The following IPMK variants were observed in gnomAD, a reference collection of about 807,000 sequenced individuals.
IPMK encodes inositol polyphosphate multikinase.
A neutral mutation model predicts 45.8 loss-of-function variants in IPMK; 17 were observed. The observed-to-expected ratio is 0.37, with a 90% CI of 0.25 to 0.56. IPMK has a LOEUF of 0.56. Among genes scored for constraint, IPMK ranks in the 20% least tolerant of loss-of-function variants. The probability of loss-of-function intolerance (pLI) is 0.79; values close to 1 mark genes in which losing one functional copy is unlikely to be tolerated. For synonymous variants in IPMK, 180 were observed against 184.3 expected, an observed-to-expected ratio of 0.98 and a Z score of 0.19; for missense variants, 399 against 498.0, an observed-to-expected ratio of 0.80 and a Z score of 1.89.
At chr10:58,235,316 A>T (rs902646049) in intron 2 of IPMK, among the ~76,000 whole-genome samples, 1 of 152,168 alleles carries the variant, frequency 6.6e-6, no homozygotes, top group African/African-American at 2.4e-5. Flanking sequence ...CCATTACTGG[A>T]TATATACCCA....
Position 58,196,180 on chromosome 10 carries a change from T to G in IPMK, c.1147A>C (p.Met383Leu), listed in dbSNP as rs747797228. The G allele has an allele frequency of 6.2e-7, 1 of 1,614,116 alleles. No individual in the cohort carries two copies. Among genetic ancestry groups the G allele is most frequent in the South Asian group, 1.1e-5 (1 of 91,086 alleles). Residue 383 changes from methionine (M) to leucine (L), a missense_variant, in exon 6 of 6, where the codon ATG becomes CTG. Physicochemically the swap from Met to Leu is conservative, Grantham distance 15. Transcript: ENST00000373935. ...CQEIAEVEVR[M>L]IDFAHVFPSN... is the part of the protein sequence containing the mutation. ...GGGAACACATGAGCAAAATCTATCA[T>G]TCGCACTTCTACTTCAGCAATCTCT...
At position 58,264,367 on chromosome 10, in the gene IPMK, G is replaced by A. The variant is rs551719731; in HGVS notation, c.190+3055C>T. Among the ~76,000 whole-genome samples the A allele has an allele frequency of 7.2e-5, 11 of 152,250 alleles. No homozygotes were observed. The South Asian group carries it at 2.3e-3, about 32-fold the overall frequency. ...ATATCTAATAAAAAGAGACTACTAA[G>A]CCAAGATAATTGTAGGTCTTTCTCC... On this transcript the variant is annotated intron_variant, in intron 1 of 5. Coordinates refer to ENST00000373935, the MANE Select transcript of IPMK (RefSeq NM_152230.5).
At chr10:58,220,529 C>G (rs1214437645) in intron 3 of IPMK, among the ~76,000 whole-genome samples, 1 of 152,158 alleles carries the variant, frequency 6.6e-6, no homozygotes, top group Admixed American at 6.5e-5. Context: ...GAGCACTTCT[C>G]AAAACCTCAA....
intron 2 of IPMK, among the ~76,000 whole-genome samples, chr10:58,232,331 A>C (rs1386475378): frequency 1.3e-5 from 2 of 152,228 alleles, no homozygotes; most frequent in Non-Finnish European, 2.9e-5. Context: ...CAACAAGCAG[A>C]CCTAATAGAC....
intron 1 of IPMK, among the ~76,000 whole-genome samples, chr10:58,258,530 G>A (rs981305528): frequency 1.3e-5 from 2 of 151,994 alleles, no homozygotes; most frequent in African/African-American, 4.8e-5. Flanking sequence ...TATTCACATA[G>A]GGAATATTCT....
intron 2 of IPMK, among the ~76,000 whole-genome samples, chr10:58,229,097 C>G (rs144849710): frequency 6.6e-6 from 1 of 152,092 alleles, no homozygotes; most frequent in Non-Finnish European, 1.5e-5. Context: ...CTTCTCTCTC[C>G]CCCAACCACT....
In IPMK at chr10:58,196,257, T is replaced by C. The variant is rs1322624255; in HGVS notation, c.1070A>G (p.Asn357Ser). The change falls in exon 6 of 6, where the codon AAT becomes AGT. Residue 357 changes from asparagine to serine, a missense_variant. Physicochemically the swap from Asn to Ser is conservative, Grantham distance 46. Around this residue, in one of 2 missense-constraint regions of IPMK, gnomAD observed 288 missense variants for 398.0 expected, o/e 0.72. Transcript: ENST00000373935. ...KSMSQEHLNG[N>S]VLSQLEKVFY... ...AACTTTTTCCAGTTGGGAAAGTACA[T>C]TTCCATTTAAATGTTCCTGTGACAT... The C allele has an allele frequency of 2.5e-6, 4 of 1,614,170 alleles. No individual in the cohort carries two copies. Among genetic ancestry groups the C allele is most frequent in the Admixed American group, 1.7e-5 (1 of 60,026 alleles).
chr10:58,231,141 A>C (rs1476036309), intron 2 of IPMK, among the ~76,000 whole-genome samples: 1 of 152,234 alleles, frequency 6.6e-6, no homozygotes, highest in Non-Finnish European at 1.5e-5. Flanking sequence ...AAGAGTAAAA[A>C]GAAATGAACA....
chr10:58,260,372 T>C (rs1839045398), intron 1 of IPMK, among the ~76,000 whole-genome samples: 1 of 152,228 alleles, frequency 6.6e-6, no homozygotes, highest in East Asian at 1.9e-4. Context: ...AATGATATTA[T>C]TGGAATAATG....
chr10:58,209,531 G>A (rs1002152721), intron 4 of IPMK, among the ~76,000 whole-genome samples: 2 of 152,190 alleles, frequency 1.3e-5, no homozygotes, highest in African/African-American at 4.8e-5. Flanking sequence ...TCTGGGTCTA[G>A]CTACTCAGCA....
At chr10:58,213,655 C>T (rs2132151156) in intron 4 of IPMK, among the ~76,000 whole-genome samples, 1 of 149,816 alleles carries the variant, frequency 6.7e-6, no homozygotes. Context: ...CACTGCACTT[C>T]AGCCTGGGCG....
intron 3 of IPMK, among the ~76,000 whole-genome samples, chr10:58,219,475 C>A (rs906653395): frequency 3.9e-5 from 6 of 152,186 alleles, no homozygotes; most frequent in Admixed American, 3.9e-4. Context: ...TTAGCAAATT[C>A]TTTCCCTAGA....
chr10:58,233,219 CA>C (rs1238627235), intron 2 of IPMK, among the ~76,000 whole-genome samples: 2 of 152,148 alleles, frequency 1.3e-5, no homozygotes, highest in Admixed American at 6.5e-5. Context: ...CAGATGGATT[CA>C]CAGCCGAATT....
At position 58,259,463 on chromosome 10, in the gene IPMK, T is replaced by C. The variant is rs920942857; in HGVS notation, c.190+7959A>G. On this transcript the variant is annotated intron_variant, in intron 1 of 5. Transcript: ENST00000373935. ...ATTTGAAAAAAATCCACCTTAATAATGAATGAATGAATGAATGAATGAATG... is the reference window on the plus strand; with the variant it reads ...ATTTGAAAAAAATCCACCTTAATAACGAATGAATGAATGAATGAATGAATG... 1.2e-4 allele frequency among the ~76,000 whole-genome samples: 8 copies of C among 69,346 alleles called. No individual in the cohort carries two copies. In the East Asian group the frequency reaches 5.4e-3, roughly 47 times the overall value. The allele number at this position is 69,346 out of a possible 152,430, so 45.5% of individuals were successfully genotyped here.
At chr10:58,197,300 A>AAAATAAATAAATAAAT (rs200761885) in intron 5 of IPMK, among the ~76,000 whole-genome samples, 4 of 83,288 alleles carry the variant, frequency 4.8e-5, no homozygotes, top group Admixed American at 1.0e-4. Context: ...CTCCGTCTCA[A>AAAATAAATAAATAAAT]AAATAAATAA....
chr10:58,194,412 G>A lies in IPMK; in HGVS notation c.*1664C>T, dbSNP rs1440486825. On this transcript the variant is annotated 3_prime_UTR_variant, in exon 6 of 6. Coordinates refer to ENST00000373935, the MANE Select transcript of IPMK (RefSeq NM_152230.5). ...GTGAAGAAAAATTGGAAGTCCCTATGATAAATACACCAATTCTAAATAAAA... is the reference window on the plus strand; with the variant it reads ...GTGAAGAAAAATTGGAAGTCCCTATAATAAATACACCAATTCTAAATAAAA... The A allele has an allele frequency of 2.0e-5, 3 of 151,772 alleles. No individual in the cohort carries two copies. Among genetic ancestry groups the A allele is most frequent in the Non-Finnish European group, 4.4e-5 (3 of 67,764 alleles). The allele number at this position is 151,772 out of a possible 1,614,324, so 9.4% of individuals were successfully genotyped here. A position where few individuals can be genotyped will look rare whatever the true frequency, so the allele number is the denominator to read the frequency against.
intron 3 of IPMK, among the ~76,000 whole-genome samples, chr10:58,221,371 T>C (rs1838332118): frequency 6.6e-6 from 1 of 152,088 alleles, no homozygotes; most frequent in Non-Finnish European, 1.5e-5. Flanking sequence ...CTATTTTTTT[T>C]TTTTTAAATT....
At position 58,210,929 on chromosome 10, in the gene IPMK, T is replaced by C. The variant is rs546225015; in HGVS notation, c.546+5216A>G. Among the ~76,000 whole-genome samples the C allele has an allele frequency of 7.9e-5, 12 of 152,340 alleles. 1 individual carries two copies. In the East Asian group the frequency reaches 2.3e-3, roughly 29 times the overall value. ...CATTGTGAATCTCCACACACTGTTC[T>C]GTCCATCCACGTGGAAGATGCACAT... On this transcript the variant is annotated intron_variant, in intron 4 of 5. Coordinates refer to ENST00000373935, the MANE Select transcript of IPMK (RefSeq NM_152230.5).
rs148418957 is a variant in IPMK, at chr10:58,261,595, T to G, written c.190+5827A>C. Among the ~76,000 whole-genome samples, 1,113 of 152,124 alleles carry G rather than the reference T, an allele frequency of 7.3e-3. 15 individuals are homozygous for G. The highest frequency in any genetic ancestry group is 0.025 in the African/African-American group (1,032 of 41,504). The stretch of plus-strand genomic sequence containing the variant: ...TAATCCAACTAACTTTTGTTTGTTT[T>G]TTTTTTTTTAGACAGTCTTGCTCTG... On this transcript the variant is annotated intron_variant, in intron 1 of 5. Transcript: ENST00000373935.
Sources: gnomAD v4.1 joint callset for allele counts (sites outside exome capture counted in the v4.1 genomes callset) on GRCh38, gnomAD v4.1.1 for gene constraint, gnomAD v4.1.1 regional missense constraint, MANE v1.5 for transcripts, NCBI Gene and HGNC (gene_info 2026-07-23, HGNC 2026-07-21) for gene names.